DAB1: variants seen among roughly 807,000 people sequenced by gnomAD.
DAB1 encodes DAB adaptor protein 1, also known as disabled homolog 1.
Under a neutral mutation model 64.6 loss-of-function variants are expected in DAB1, and 15 were observed. The ratio of observed to expected loss-of-function variants is 0.23; its 90% CI spans 0.16 to 0.36. DAB1 has a LOEUF of 0.36. Ranked by LOEUF, DAB1 falls within the 10% of genes least tolerant of loss-of-function variation. The pLI, the probability that DAB1 is intolerant of heterozygous loss-of-function variation, is 1.00. For missense variants in DAB1, 596 were observed against 706.7 expected (o/e 0.84, Z 1.78); for synonymous variants, 235 against 251.9 (o/e 0.93, Z 0.64).
At chr1:57,598,811 A>G (rs929199119) in intron 7 of DAB1, among the ~76,000 whole-genome samples, 19 of 152,196 alleles carry the variant, frequency 1.2e-4, no homozygotes, top group African/African-American at 4.6e-4. Flanking sequence ...GGACACTGCA[A>G]CAGAGCAGGT....
chr1:58,127,357 T>A (rs1314507484), intron 5 of DAB1, among the ~76,000 whole-genome samples: 4 of 152,066 alleles, frequency 2.6e-5, no homozygotes, highest in Non-Finnish European at 5.9e-5. Flanking sequence ...TTCTGGATAT[T>A]AGCCCTTTGT....
At chr1:58,465,744 A>G (rs1645289811) in intron 3 of DAB1, among the ~76,000 whole-genome samples, 1 of 152,182 alleles carries the variant, frequency 6.6e-6, no homozygotes, top group Non-Finnish European at 1.5e-5. Flanking sequence ...GGCACTTACC[A>G]TGTGTTTTAA....
intron 12 of DAB1, 88 bp from the exon 13 acceptor site, chr1:57,011,360 T>G: frequency 2.0e-6 from 3 of 1,475,350 alleles, no homozygotes; most frequent in Non-Finnish European, 2.8e-6. Context: ...CTGCTTATAT[T>G]GAAGTCAAAT....
intron 1 of DAB1, among the ~76,000 whole-genome samples, chr1:57,859,736 A>T (rs981303815): frequency 6.6e-6 from 1 of 152,202 alleles, no homozygotes; most frequent in African/African-American, 2.4e-5. Context: ...GATGGAATAT[A>T]TTTCCTGAAA....
chr1:57,040,517 G>T (rs1165501313), intron 9 of DAB1, among the ~76,000 whole-genome samples: 1 of 152,162 alleles, frequency 6.6e-6, no homozygotes, highest in Non-Finnish European at 1.5e-5. Context: ...TGACAAGGAG[G>T]ATTTTAGGAT....
At chr1:57,878,249 C>T (rs1361346449) in intron 1 of DAB1, 1 of 152,064 alleles carries the variant, frequency 6.6e-6, no homozygotes, top group African/African-American at 2.4e-5. Context: ...TTGCAAGTAA[C>T]GTGGAAACAA....
intron 2 of DAB1, among the ~76,000 whole-genome samples, chr1:57,260,078 C>T (rs563985140): frequency 6.6e-6 from 1 of 152,212 alleles, no homozygotes; most frequent in African/African-American, 2.4e-5. Context: ...AGAACTCGGC[C>T]AAGAAGGAGC....
intron 6 of DAB1, among the ~76,000 whole-genome samples, chr1:57,768,798 T>C (rs1323304507): frequency 6.6e-6 from 1 of 152,130 alleles, no homozygotes; most frequent in African/African-American, 2.4e-5. Flanking sequence ...GATAATCCAG[T>C]CCACCAAATA....
chr1:57,764,770 A>G (rs991787353), intron 6 of DAB1, among the ~76,000 whole-genome samples: 2 of 152,188 alleles, frequency 1.3e-5, no homozygotes, highest in African/African-American at 2.4e-5. Context: ...ATAACTATTC[A>G]AAGTAATAGA....
intron 4 of DAB1, among the ~76,000 whole-genome samples, chr1:57,108,827 G>T (rs1246972025): frequency 6.6e-6 from 1 of 152,128 alleles, no homozygotes; most frequent in East Asian, 1.9e-4. Context: ...TCTGCAATGT[G>T]TTTCTAGGAA....
chr1:57,536,666 T>A lies in DAB1; in HGVS notation n.625+112926A>T, dbSNP rs527727230. On this transcript the variant is annotated intron_variant and non_coding_transcript_variant, in intron 7 of 20. Coordinates refer to the DAB1 transcript ENST00000485760. ...GTCCTTCCTACTTACTCTTAAAACC[T>A]GGTGGTAACCGGTCCATGAGACAAG... is the stretch of plus-strand genomic sequence containing the variant. Among the ~76,000 whole-genome samples the A allele has an allele frequency of 1.6e-4, 23 of 145,470 alleles. No homozygotes were observed. The East Asian group carries it at 4.2e-3, about 27-fold the overall frequency.
At chr1:57,990,420 C>T (rs544656326) in intron 5 of DAB1, among the ~76,000 whole-genome samples, 11 of 152,332 alleles carry the variant, frequency 7.2e-5, no homozygotes, top group African/African-American at 2.4e-4. Flanking sequence ...ATACCAACAT[C>T]CATTTGTTAG....
At chr1:57,427,115 G>A (rs1685321292), upstream of DAB1, among the ~76,000 whole-genome samples, 1 of 152,000 alleles carries the variant, frequency 6.6e-6, no homozygotes, top group African/African-American at 2.4e-5. Context: ...CACCCGCCTC[G>A]GCCTCCCAAA....
rs1044188346 is a variant in DAB1 at position 57,837,186 on chromosome 1, C to A, written n.88-10731G>T. Among the ~76,000 whole-genome samples the A allele has an allele frequency of 2.0e-5, 3 of 152,212 alleles. No homozygotes were observed. In the South Asian group the frequency reaches 6.2e-4, roughly 31 times the overall value. On this transcript the variant is annotated intron_variant and non_coding_transcript_variant, in intron 1 of 1. Transcript: ENST00000477280. Reference sequence around the variant, plus strand: ...CCTCTCCCAAAATACATTCTCCAGGCAGTAACCAGAATGATCTTTTTAAAA... The same window carrying A: ...CCTCTCCCAAAATACATTCTCCAGGAAGTAACCAGAATGATCTTTTTAAAA...
chr1:58,103,044 A>G (rs1651416099), intron 5 of DAB1, among the ~76,000 whole-genome samples: 1 of 152,120 alleles, frequency 6.6e-6, no homozygotes, highest in African/African-American at 2.4e-5. Flanking sequence ...CCTGCCTACT[A>G]TATGCCAGCT....
At chr1:57,072,497 C>T (rs1035330881) in intron 4 of DAB1, 83 bp from the exon 5 acceptor site, 37 of 1,497,538 alleles carry the variant, frequency 2.5e-5, no homozygotes, top group East Asian at 9.3e-5. Context: ...GTTTCAGCTA[C>T]GTGTGAACAG....
At chr1:57,198,319 C>G (rs1664797436) in intron 2 of DAB1, among the ~76,000 whole-genome samples, 1 of 152,096 alleles carries the variant, frequency 6.6e-6, no homozygotes, top group South Asian at 2.1e-4. Context: ...TCAAGGAGTT[C>G]ACAGTGTAGC....
intron 4 of DAB1, among the ~76,000 whole-genome samples, chr1:57,087,061 T>C (rs2100646835): frequency 6.6e-6 from 1 of 152,322 alleles, no homozygotes; most frequent in East Asian, 1.9e-4. Flanking sequence ...GAGAGGGATC[T>C]GAGAGGGCCA....
At chr1:57,527,023 T>C (rs1419643186) in intron 7 of DAB1, among the ~76,000 whole-genome samples, 5 of 152,160 alleles carry the variant, frequency 3.3e-5, no homozygotes, top group African/African-American at 1.2e-4. Context: ...GTATCACAAT[T>C]TTCTGGGTAA....
Sources: allele counts gnomAD v4.1 joint callset (sites outside exome capture counted in the v4.1 genomes callset), GRCh38; gene constraint gnomAD v4.1.1; transcripts MANE v1.5; gene names NCBI Gene and HGNC (gene_info 2026-07-23, HGNC 2026-07-21).